Variants in CACNA1H observed in about 807,000 individuals in gnomAD.
CACNA1H encodes voltage-dependent T-type calcium channel subunit alpha-1H.
In CACNA1H, 149 loss-of-function variants were observed where a neutral mutation model predicts 192.5. The observed-to-expected ratio is 0.77, with a 90% CI of 0.68 to 0.89. The LOEUF (loss-of-function observed/expected upper bound fraction) is 0.89. Among genes scored for constraint, CACNA1H ranks in the 40% least tolerant of loss-of-function variants. The pLI is 0.00. For missense variants in CACNA1H, 4,257 were observed against 3,423.5 expected (o/e 1.24, Z -6.08); for synonymous variants, 2,202 against 1,475.2 (o/e 1.49, Z -11.29).
intron 9 of CACNA1H, 63 bp downstream of exon 9, chr16:1,202,515 C>T: frequency 7.2e-7 from 1 of 1,380,068 alleles, no homozygotes; most frequent in Non-Finnish European, 9.6e-7. Context: ...GGCAGGGTCT[C>T]CGGTGTGTCA....
chr16:1,219,422 T>C lies in CACNA1H; in HGVS notation c.6048+292T>C, dbSNP rs7195608. On this transcript the variant is annotated intron_variant, in intron 34 of 34. Transcript: ENST00000348261. ...GGTGGGCAGACAGCGGTTTCTCAGG[T>C]CCCGTGGTGGGCAGACAGCAGTTTC... is the stretch of plus-strand genomic sequence containing the variant. 0.87 allele frequency among the ~76,000 whole-genome samples: 132,785 copies of C among 152,040 alleles called. 58,346 individuals carry two copies. The highest frequency in any genetic ancestry group is 1 in the East Asian group (5,156 of 5,162).
intron 2 of CACNA1H, among the ~76,000 whole-genome samples, chr16:1,161,402 G>A (rs1963182394): frequency 6.6e-6 from 1 of 152,216 alleles, no homozygotes. Flanking sequence ...GAGCCCCCTG[G>A]CCGGAGGTGG....
chr16:1,157,652 A>G (rs970542230), intron 2 of CACNA1H: 5 of 152,266 alleles, frequency 3.3e-5, no homozygotes, highest in African/African-American at 1.2e-4. Flanking sequence ...CTGACCTTGC[A>G]TCGTGGGGAC....
rs1178383657 is a variant in CACNA1H at position 1,198,722 on chromosome 16, C to T, written c.751C>T (p.Leu251Phe). 1.2e-6 allele frequency: 2 copies of T among 1,613,214 alleles called. No individual in the cohort carries two copies. Among genetic ancestry groups the T allele is most frequent in the Non-Finnish European group, 1.7e-6 (2 of 1,179,586 alleles). ...CATTTTCGGCATCGTTGGCGTCCAG[C>T]TCTGGGCTGGCCTCCTGCGGAACCG... ...FFIFGIVGVQ[L>F]WAGLLRNRCF... Residue 251 changes from leucine (L) to phenylalanine (F), a missense_variant, in exon 6 of 35, where the codon CTC becomes TTC. By Grantham distance (22) the Leu-to-Phe change is conservative. Transcript: ENST00000348261.
At chr16:1,189,479 C>T (rs372091006) in intron 2 of CACNA1H, among the ~76,000 whole-genome samples, 1 of 138,630 alleles carries the variant, frequency 7.2e-6, no homozygotes, top group African/African-American at 2.7e-5. Flanking sequence ...TGCAGTGGCA[C>T]GATCGTGGCT....
chr16:1,155,140 A>G (rs901440592), intron 2 of CACNA1H, among the ~76,000 whole-genome samples: 4 of 152,270 alleles, frequency 2.6e-5, no homozygotes, highest in Non-Finnish European at 2.9e-5. Context: ...AAAAAAAGTC[A>G]TAAAGCCCGT....
At position 1,218,366 on chromosome 16, in the gene CACNA1H, A is replaced by G. The variant is rs1252716836; in HGVS notation, c.5602A>G (p.Lys1868Glu). 1 of 1,562,308 alleles carries G rather than the reference A, an allele frequency of 6.4e-7. No homozygotes were observed. Among genetic ancestry groups the G allele is most frequent in the South Asian group, 1.2e-5 (1 of 84,616 alleles). ...VLMKHLEESN[K>E]EAREDAELDA... ...CATGAAGCACCTGGAGGAGAGCAAC[A>G]AGGAGGCACGGGAGGATGCGGAGCT... Residue 1868 changes from lysine to glutamate, a missense_variant, in exon 33 of 35, where the codon AAG becomes GAG. Transcript: ENST00000348261.
At chr16:1,202,864 G>A (rs1423476601) in intron 9 of CACNA1H, among the ~76,000 whole-genome samples, 1 of 152,156 alleles carries the variant, frequency 6.6e-6, no homozygotes, top group Non-Finnish European at 1.5e-5. Context: ...TCTAGGTGGG[G>A]ACGCTGAGTG....
chr16:1,216,653 C>T lies in CACNA1H; in HGVS notation c.5245-279C>T, dbSNP rs1391633153. 2.0e-5 allele frequency among the ~76,000 whole-genome samples: 3 copies of T among 152,224 alleles called. No homozygotes were observed. The South Asian group carries it at 6.2e-4, about 31-fold the overall frequency. On this transcript the variant is annotated intron_variant, in intron 30 of 34. Coordinates refer to ENST00000348261, the MANE Select transcript of CACNA1H (RefSeq NM_021098.3). Reference sequence around the variant, plus strand: ...GGGCTCTGGGCCAGAGGCTGATGCTCAGGGGCAGGGCAGAGGAAGAGAGAA... The same window carrying T: ...GGGCTCTGGGCCAGAGGCTGATGCTTAGGGGCAGGGCAGAGGAAGAGAGAA...
intron 3 of CACNA1H, 143 bp from the exon 4 acceptor site, chr16:1,195,289 C>T (rs1310777796): frequency 7.1e-5 from 77 of 1,079,284 alleles, no homozygotes; most frequent in Middle Eastern, 6.3e-4. Flanking sequence ...CGAGGCAGGG[C>T]TCAGTTCCTG....
intron 2 of CACNA1H, among the ~76,000 whole-genome samples, chr16:1,169,736 G>A (rs1479875217): frequency 2.6e-5 from 4 of 152,240 alleles, no homozygotes; most frequent in Non-Finnish European, 4.4e-5. Context: ...CAGGCCAGCC[G>A]GCTGGTGCTT....
At position 1,210,482 on chromosome 16, in the gene CACNA1H, C is replaced by T. The variant is rs1415119940; in HGVS notation, c.3958C>T (p.Pro1320Ser). The change falls in exon 19 of 35, where the codon CCC (proline) becomes TCC (serine). Residue 1320 changes from proline (P) to serine (S), a missense_variant. Coordinates refer to ENST00000348261, the MANE Select transcript of CACNA1H (RefSeq NM_021098.3). Reference protein sequence around the residue: ...TIALERPDIDPGSTERVFLSV... With the variant: ...TIALERPDIDSGSTERVFLSV... ...CGCCCTGGAGAGGCCTGACATTGAT[C>T]CCGGCAGCACCGTGAGTCAGCCAAC... 6 of 1,611,832 alleles carry T rather than the reference C, an allele frequency of 3.7e-6. No homozygotes were observed. The highest frequency in any genetic ancestry group is 2.2e-5 in the East Asian group (1 of 44,860).
At chr16:1,217,272 G>A (rs1197305056) in intron 31 of CACNA1H, among the ~76,000 whole-genome samples, 1 of 152,236 alleles carries the variant, frequency 6.6e-6, no homozygotes, top group Non-Finnish European at 1.5e-5. Flanking sequence ...AGGGATGCCT[G>A]CCACACGTGA....
chr16:1,217,978 G>A lies in CACNA1H; in HGVS notation c.5383G>A (p.Gly1795Ser), dbSNP rs1355012362. 6 of 1,605,136 alleles carry A rather than the reference G, an allele frequency of 3.7e-6. No homozygotes were observed. Among genetic ancestry groups the A allele is most frequent in the Admixed American group, 3.4e-5 (2 of 59,214 alleles). The change falls in exon 32 of 35, where the codon GGC (glycine) becomes AGC (serine). Residue 1795 changes from glycine to serine, a missense_variant. Transcript: ENST00000348261. ...LSRHATFSNF[G>S]MAFLTLFRVS... ...CAGGCACGCCACCTTCAGCAACTTCGGCATGGCCTTCCTCACGCTGTTCCG... is the reference window on the plus strand; with the variant it reads ...CAGGCACGCCACCTTCAGCAACTTCAGCATGGCCTTCCTCACGCTGTTCCG...
At chr16:1,207,572 C>T in intron 14 of CACNA1H, 142 bp downstream of exon 14, 1 of 1,073,582 alleles carries the variant, frequency 9.3e-7, no homozygotes, top group Non-Finnish European at 1.3e-6. Context: ...AGAGGGGAGG[C>T]CAGGAGCCCA....
intron 2 of CACNA1H, among the ~76,000 whole-genome samples, chr16:1,175,625 C>T (rs975050753): frequency 2.0e-5 from 3 of 152,212 alleles, no homozygotes; most frequent in African/African-American, 4.8e-5. Context: ...TCCATTTACT[C>T]TCATGTCCGA....
At chr16:1,171,402 C>T (rs112335593) in intron 2 of CACNA1H, among the ~76,000 whole-genome samples, 2 of 152,192 alleles carry the variant, frequency 1.3e-5, no homozygotes, top group Non-Finnish European at 2.9e-5. Flanking sequence ...CACTGGGTTC[C>T]CGGGCAGAGA....
rs1967918905 is a variant in CACNA1H at position 1,201,595 on chromosome 16, A to G, written c.1213-68A>G. The G allele has an allele frequency of 3.4e-6, 5 of 1,488,204 alleles. No homozygotes were observed. The African/African-American group carries it at 5.6e-5, about 17-fold the overall frequency. The allele number at this position is 1,488,204 out of a possible 1,614,324, so 92.2% of individuals were successfully genotyped here. On this transcript the variant is annotated intron_variant, in intron 8 of 34. Coordinates refer to ENST00000348261, the MANE Select transcript of CACNA1H (RefSeq NM_021098.3). ...GCCCCCACTCGAACAGGCAGCGCAC[A>G]GTAGGGCTCAGTGGCGAATCAGAGA...
At position 1,218,231 on chromosome 16, in the gene CACNA1H, C is replaced by T. The variant is rs60760436; in HGVS notation, c.5467C>T (p.Arg1823Cys). ...IMKDTLRECS[R>C]EDKHCLSYLP... Reference sequence around the variant, plus strand: ...GCAGGACACGCTGCGCGAGTGCTCCCGTGAGGACAAGCACTGCCTGAGCTA... The same window carrying T: ...GCAGGACACGCTGCGCGAGTGCTCCTGTGAGGACAAGCACTGCCTGAGCTA... Residue 1823 changes from arginine to cysteine, a missense_variant, in exon 33 of 35, where the codon CGT becomes TGT. Coordinates refer to ENST00000348261, the MANE Select transcript of CACNA1H (RefSeq NM_021098.3). 183 of 1,549,984 alleles carry T rather than the reference C, an allele frequency of 1.2e-4. No individual in the cohort carries two copies. The highest frequency in any genetic ancestry group is 1.5e-4 in the Non-Finnish European group (171 of 1,146,976).
Sources: allele counts gnomAD v4.1 joint callset (sites outside exome capture counted in the v4.1 genomes callset), GRCh38; gene constraint gnomAD v4.1.1; transcripts MANE v1.5; gene names NCBI Gene and HGNC (gene_info 2026-07-23, HGNC 2026-07-21).